Variants in THSD7B observed in about 807,000 individuals in gnomAD.
The protein encoded by THSD7B is thrombospondin type 1 domain containing 7B, also known as thrombospondin type-1 domain-containing protein 7B.
A neutral mutation model predicts 213.6 loss-of-function variants in THSD7B; 138 were observed. That is an observed-to-expected ratio of 0.65 (90% confidence interval 0.56 to 0.74). The LOEUF is 0.74. Among genes scored for constraint, THSD7B ranks in the 30% least tolerant of loss-of-function variants. THSD7B has a pLI of 0.00. For missense variants in THSD7B, 1,931 were observed against 1,991.5 expected (o/e 0.97, Z 0.58); for synonymous variants, 742 against 687.0 (o/e 1.08, Z -1.25).
intron 4 of THSD7B, among the ~76,000 whole-genome samples, chr2:137,112,772 CGT>C (rs112879754): frequency 1.1e-4 from 16 of 149,862 alleles, no homozygotes; most frequent in East Asian, 3.9e-4. Flanking sequence ...TGTTAATGTA[CGT>C]GTGTGTGTGT....
At chr2:137,547,826 G>A (rs568257520) in intron 15 of THSD7B, among the ~76,000 whole-genome samples, 1 of 151,998 alleles carries the variant, frequency 6.6e-6, no homozygotes, top group Non-Finnish European at 1.5e-5. Flanking sequence ...GGGAAGGTTT[G>A]TTTGCAGTGC....
chr2:136,990,883 G>A, intron 2 of THSD7B: 10 of 1,343,706 alleles, frequency 7.4e-6, no homozygotes, highest in Non-Finnish European at 8.9e-6. Flanking sequence ...AATATTCAGA[G>A]GCGAAACGAT....
chr2:137,548,836 G>C (rs2197834), intron 15 of THSD7B, among the ~76,000 whole-genome samples: 1 of 151,936 alleles, frequency 6.6e-6, no homozygotes, highest in Non-Finnish European at 1.5e-5. Flanking sequence ...AGGAGTGTGT[G>C]TCTTAAATTA....
chr2:137,016,160 A>C (rs962953179), intron 2 of THSD7B, among the ~76,000 whole-genome samples: 2 of 152,072 alleles, frequency 1.3e-5, no homozygotes, highest in Admixed American at 1.3e-4. Flanking sequence ...TTCCTCATCT[A>C]TGAGGAAATT....
chr2:137,333,623 C>T (rs1037594471), intron 12 of THSD7B, among the ~76,000 whole-genome samples: 11 of 152,196 alleles, frequency 7.2e-5, no homozygotes, highest in African/African-American at 2.7e-4. Context: ...TAAGGTCTCC[C>T]TATGACATCC....
intron 10 of THSD7B, among the ~76,000 whole-genome samples, chr2:137,270,722 G>T (rs942051005): frequency 6.6e-6 from 1 of 152,128 alleles, no homozygotes; most frequent in East Asian, 1.9e-4. Context: ...TCTGATGGAG[G>T]ACAGGAGTGA....
Position 136,857,831 on chromosome 2 carries a change from G to A in THSD7B, c.-35-24313G>A, listed in dbSNP as rs138251970. ...AGTGTTCATGTCACTATTGAACATCGATTTATCATTTTTCCTCTTTTAAAC... is the reference window on the plus strand; with the variant it reads ...AGTGTTCATGTCACTATTGAACATCAATTTATCATTTTTCCTCTTTTAAAC... On this transcript the variant is annotated intron_variant, in intron 1 of 27. Transcript: ENST00000409968. 4.3e-3 allele frequency among the ~76,000 whole-genome samples: 655 copies of A among 152,224 alleles called. 6 individuals are homozygous for A. The highest frequency in any genetic ancestry group is 0.015 in the African/African-American group (628 of 41,540).
intron 15 of THSD7B, among the ~76,000 whole-genome samples, chr2:137,524,923 G>A (rs553227990): frequency 6.6e-6 from 1 of 152,192 alleles, no homozygotes; most frequent in Non-Finnish European, 1.5e-5. Flanking sequence ...AGCATTGCTT[G>A]GCATTTTGCT....
intron 17 of THSD7B, among the ~76,000 whole-genome samples, chr2:137,579,179 G>A (rs1161380265): frequency 6.6e-6 from 1 of 152,030 alleles, no homozygotes; most frequent in Non-Finnish European, 1.5e-5. Context: ...GCTTAATTGT[G>A]CCCATTGTAG....
chr2:137,506,365 A>T (rs969033054), intron 15 of THSD7B, among the ~76,000 whole-genome samples: 45 of 152,100 alleles, frequency 3.0e-4, no homozygotes, highest in African/African-American at 1.1e-3. Flanking sequence ...TGGGTAAACC[A>T]TTTTCTGGTC....
chr2:137,338,535 A>G (rs1038143132), intron 12 of THSD7B, among the ~76,000 whole-genome samples: 12 of 152,110 alleles, frequency 7.9e-5, no homozygotes, highest in African/African-American at 2.9e-4. Context: ...TTTTAATGCT[A>G]CTTATAAGTC....
chr2:136,855,535 C>CCAGCCT (rs1468978832), intron 1 of THSD7B, among the ~76,000 whole-genome samples: 1 of 152,160 alleles, frequency 6.6e-6, no homozygotes, highest in Admixed American at 6.5e-5. Context: ...AAGTGATTCT[C>CCAGCCT]CAGCCTCAGC....
chr2:136,917,508 T>G (rs1372728291), intron 2 of THSD7B, among the ~76,000 whole-genome samples: 1 of 152,198 alleles, frequency 6.6e-6, no homozygotes, highest in African/African-American at 2.4e-5. Context: ...TTAACCAGAA[T>G]TGAGCATCTG....
chr2:136,971,500 C>G (rs370951909), intron 2 of THSD7B, among the ~76,000 whole-genome samples: 1 of 151,400 alleles, frequency 6.6e-6, no homozygotes. Context: ...GCAATCTAAG[C>G]AAATAAAAAA....
chr2:137,572,265 GAA>G (rs1681369036), intron 16 of THSD7B, 139 bp from the exon 17 acceptor site: 1 of 946,382 alleles, frequency 1.1e-6, no homozygotes, highest in Admixed American at 2.6e-5. Context: ...ACTAAAGGAG[GAA>G]AGTTTTGTTC....
intron 9 of THSD7B, among the ~76,000 whole-genome samples, chr2:137,241,364 C>G (rs1286441061): frequency 6.6e-6 from 1 of 152,172 alleles, no homozygotes; most frequent in African/African-American, 2.4e-5. Flanking sequence ...TTAGCCATCT[C>G]TACTCTAAAA....
intron 2 of THSD7B, among the ~76,000 whole-genome samples, chr2:136,907,185 T>C (rs563413891): frequency 2.8e-4 from 43 of 152,174 alleles, no homozygotes; most frequent in Middle Eastern, 3.4e-3. Context: ...CCTCAGGTGA[T>C]CCACCTACCT....
chr2:137,181,318 A>C (rs1313904959), intron 7 of THSD7B, among the ~76,000 whole-genome samples: 5 of 152,152 alleles, frequency 3.3e-5, no homozygotes, highest in Non-Finnish European at 5.9e-5. Flanking sequence ...TGCTAATAAC[A>C]CCATATTGAG....
chr2:137,279,487 G>C (rs1682949122), intron 12 of THSD7B, among the ~76,000 whole-genome samples: 1 of 152,170 alleles, frequency 6.6e-6, no homozygotes, highest in South Asian at 2.1e-4. Context: ...AGGCTACAGT[G>C]AGCTGTGATC....
Sources: allele counts gnomAD v4.1 joint callset (sites outside exome capture counted in the v4.1 genomes callset), GRCh38; gene constraint gnomAD v4.1.1; transcripts MANE v1.5; gene names NCBI Gene and HGNC (gene_info 2026-07-23, HGNC 2026-07-21).